Variants in BBS1 observed in about 807,000 individuals in gnomAD.
The protein encoded by BBS1 is Bardet-Biedl syndrome 1, also known as BBSome complex member BBS1.
In BBS1, 60 loss-of-function variants were observed where a neutral mutation model predicts 73.9. That is an observed-to-expected ratio of 0.81 (90% CI 0.66 to 1.01). The LOEUF is 1.01. BBS1 is among the 50% of genes least tolerant of loss of function. The pLI is 0.00. For missense variants in BBS1, 718 were observed against 770.3 expected (o/e 0.93, Z 0.80); for synonymous variants, 283 against 317.4 (o/e 0.89, Z 1.15).
At chr11:66,521,534 G>C in intron 9 of BBS1, 158 bp downstream of exon 9, 1 of 693,258 alleles carries the variant, frequency 1.4e-6, no homozygotes, top group African/African-American at 1.8e-5. Flanking sequence ...CACAGGGGAG[G>C]ATACCTGGAG....
At chr11:66,521,444 C>G in intron 9 of BBS1, 68 bp downstream of exon 9, 1 of 1,266,852 alleles carries the variant, frequency 7.9e-7, no homozygotes, top group Non-Finnish European at 1.1e-6. Flanking sequence ...CAGAGGCTTG[C>G]AAGATGAGAG....
intron 16 of BBS1, 41 bp from the exon 17 acceptor site, chr11:66,531,910 A>G (rs941883418): frequency 4.5e-6 from 7 of 1,570,214 alleles, no homozygotes; most frequent in Middle Eastern, 3.4e-4. Flanking sequence ...GCAAGGGGTC[A>G]GGGGTGTATG....
chr11:66,517,129 G>T (rs575414486), intron 7 of BBS1, among the ~76,000 whole-genome samples: 1 of 151,586 alleles, frequency 6.6e-6, no homozygotes, highest in Non-Finnish European at 1.5e-5. Context: ...AACCCGGGAG[G>T]CGGAGCTTGC....
chr11:66,532,123 C>A lies in BBS1; in HGVS notation c.*86C>A. On this transcript the variant is annotated 3_prime_UTR_variant, in exon 17 of 17. Coordinates refer to ENST00000318312, the MANE Select transcript of BBS1 (RefSeq NM_024649.5). ...GGCCCCAGGCCCACTCCTCATGCAG[C>A]AGTGTGCTGGGGCGACAGCTCGTCT... is the stretch of plus-strand genomic sequence containing the variant. 1 of 1,395,812 alleles carries A rather than the reference C, an allele frequency of 7.2e-7. No individual in the cohort carries two copies. The highest frequency in any genetic ancestry group is 9.8e-7 in the Non-Finnish European group (1 of 1,018,738). 86.5% of individuals were successfully genotyped at this position (1,395,812 alleles called of 1,614,324 possible).
At chr11:66,516,956 T>C (rs1173753864) in intron 7 of BBS1, among the ~76,000 whole-genome samples, 1 of 152,026 alleles carries the variant, frequency 6.6e-6, no homozygotes, top group African/African-American at 2.4e-5. Flanking sequence ...TCCCAGCATT[T>C]TGGGAGGCTG....
At position 66,532,176 on chromosome 11, in the gene BBS1, C is replaced by G. The variant is rs1442302602; in HGVS notation, c.*139C>G. Reference sequence around the variant, plus strand: ...CCTCTCTTAAGCACCCGCTTCCTCACCACCCCCACTGTTGGGCCTATAGTA... The same window carrying G: ...CCTCTCTTAAGCACCCGCTTCCTCAGCACCCCCACTGTTGGGCCTATAGTA... On this transcript the variant is annotated 3_prime_UTR_variant, in exon 17 of 17. Transcript: ENST00000318312. 2.2e-6 allele frequency: 2 copies of G among 893,814 alleles called. No homozygotes were observed. The highest frequency in any genetic ancestry group is 3.4e-5 in the African/African-American group (2 of 59,640). The allele number at this position is 893,814 out of a possible 1,614,324, so 55.4% of individuals were successfully genotyped here.
At position 66,521,201 on chromosome 11, in the gene BBS1, A is replaced by AG; in HGVS notation, c.724-68dup. 5 of 1,129,910 alleles carry AG rather than the reference A, an allele frequency of 4.4e-6. No homozygotes were observed. In the Admixed American group the frequency reaches 8.5e-5, roughly 19 times the overall value. 70.0% of individuals were successfully genotyped at this position (1,129,910 alleles called of 1,614,324 possible). A position where few individuals can be genotyped will look rare whatever the true frequency, so the allele number is the denominator to read the frequency against. ...TTTAGACCAGGCACTCACTCAGAGGAGTTACTGACAGGGCAGGGAGGGACG... is the reference window on the plus strand; with the variant it reads ...TTTAGACCAGGCACTCACTCAGAGGAGGTTACTGACAGGGCAGGGAGGGACG... On this transcript the variant is annotated intron_variant, in intron 8 of 16. Transcript: ENST00000318312.
intron 7 of BBS1, 105 bp from the exon 8 acceptor site, chr11:66,519,512 T>G: frequency 6.6e-7 from 1 of 1,504,944 alleles, no homozygotes; most frequent in African/African-American, 1.4e-5. Context: ...TGATATTTCC[T>G]CTTCATCCTC....
chr11:66,530,260 T>TA (rs1232735692), intron 14 of BBS1, among the ~76,000 whole-genome samples: 2 of 152,126 alleles, frequency 1.3e-5, no homozygotes, highest in South Asian at 2.1e-4. Flanking sequence ...AAGGGATCCT[T>TA]ACAGCTATGG....
chr11:66,512,030 AT>A (rs1855962191), intron 3 of BBS1, among the ~76,000 whole-genome samples: 1 of 144,894 alleles, frequency 6.9e-6, no homozygotes, highest in African/African-American at 2.6e-5. Context: ...GTGTATATAT[AT>A]GTATATATAT....
chr11:66,516,476 C>T (rs1856052692), intron 7 of BBS1, among the ~76,000 whole-genome samples: 1 of 152,076 alleles, frequency 6.6e-6, no homozygotes, highest in African/African-American at 2.4e-5. Flanking sequence ...GGAATAGTTA[C>T]CACTAATATT....
chr11:66,524,459 G>A (rs772627072), intron 11 of BBS1, among the ~76,000 whole-genome samples: 2 of 151,898 alleles, frequency 1.3e-5, no homozygotes, highest in African/African-American at 4.8e-5. Context: ...GCTAAAAAGC[G>A]CAGAGGGTGC....
At chr11:66,516,600 G>A (rs1053207824) in intron 7 of BBS1, among the ~76,000 whole-genome samples, 1 of 152,142 alleles carries the variant, frequency 6.6e-6, no homozygotes, top group African/African-American at 2.4e-5. Flanking sequence ...ACCCAGGCTG[G>A]AGTGCAGTGG....
At chr11:66,526,862 C>A (rs1856532407) in intron 13 of BBS1, 55 bp downstream of exon 13, 5 of 1,613,982 alleles carry the variant, frequency 3.1e-6, no homozygotes, top group Non-Finnish European at 2.5e-6. Flanking sequence ...TCCTACACAG[C>A]AAAGCTGGGG....
intron 8 of BBS1, 30 bp downstream of exon 8, chr11:66,519,778 TG>T (rs759242162): frequency 1.8e-4 from 287 of 1,610,910 alleles, no homozygotes; most frequent in Non-Finnish European, 2.4e-4. Flanking sequence ...CTGGGCCCGC[TG>T]GAGGCCCAGG....
chr11:66,515,631 C>G (rs1370158643), intron 5 of BBS1, 45 bp downstream of exon 5: 1 of 1,614,200 alleles, frequency 6.2e-7, no homozygotes, highest in South Asian at 1.1e-5. Context: ...CTCCTTCATC[C>G]CATCTGAGCC....
intron 13 of BBS1, among the ~76,000 whole-genome samples, chr11:66,528,209 T>C (rs1856605044): frequency 6.6e-6 from 1 of 152,146 alleles, no homozygotes; most frequent in Non-Finnish European, 1.5e-5. Flanking sequence ...AGAGCCAGAC[T>C]CCGTCTCAAA....
chr11:66,531,860 T>C, intron 16 of BBS1, 91 bp from the exon 17 acceptor site: 2 of 1,594,388 alleles, frequency 1.3e-6, no homozygotes, highest in Non-Finnish European at 1.7e-6. Context: ...ATCTGCACAG[T>C]GGAGCCCTGT....
At chr11:66,515,972 T>A (rs1856040748) in intron 7 of BBS1, 39 bp downstream of exon 7, 26 of 1,605,248 alleles carry the variant, frequency 1.6e-5, no homozygotes, top group Non-Finnish European at 2.0e-5. Flanking sequence ...TGTAAAAAAA[T>A]TTACATTTTT....
Sources: allele counts gnomAD v4.1 joint callset (sites outside exome capture counted in the v4.1 genomes callset), GRCh38; gene constraint gnomAD v4.1.1; transcripts MANE v1.5; gene names NCBI Gene and HGNC (gene_info 2026-07-23, HGNC 2026-07-21).